Variants in ACER2 observed in about 807,000 individuals in gnomAD.
ACER2 encodes the protein alkCDase 2.
In ACER2, 26 loss-of-function variants were observed where a neutral mutation model predicts 34.7. The ratio of observed to expected loss-of-function variants is 0.75; its 90% confidence interval spans 0.55 to 1.04. The LOEUF (loss-of-function observed/expected upper bound fraction) is 1.04, where lower values mean the gene tolerates loss of function less well. Among genes scored for constraint, ACER2 ranks in the 50% least tolerant of loss-of-function variants. The probability of loss-of-function intolerance (pLI) is 0.00; values close to 1 mark genes in which losing one functional copy is unlikely to be tolerated. For synonymous variants in ACER2, 138 were observed against 132.1 expected (o/e 1.04, Z -0.31); for missense variants, 352 against 340.8 (o/e 1.03, Z -0.26).
intron 4 of ACER2, among the ~76,000 whole-genome samples, chr9:19,442,122 C>T (rs1831175221): frequency 6.6e-6 from 1 of 152,128 alleles, no homozygotes; most frequent in Non-Finnish European, 1.5e-5. Context: ...GGGTCATGAC[C>T]TGACACTGAA....
intron 1 of ACER2, among the ~76,000 whole-genome samples, chr9:19,419,409 C>G (rs1160891517): frequency 6.6e-6 from 1 of 152,022 alleles, no homozygotes; most frequent in South Asian, 2.1e-4. Flanking sequence ...ATATTCTTAC[C>G]CAAGGTCACT....
chr9:19,443,126 G>A (rs1314312146), intron 4 of ACER2, among the ~76,000 whole-genome samples: 1 of 152,244 alleles, frequency 6.6e-6, no homozygotes, highest in Non-Finnish European at 1.5e-5. Flanking sequence ...CGCCTCCCGG[G>A]TTCGCGCCAT....
In ACER2 at chr9:19,428,840, A is replaced by G. The variant is rs925862307; in HGVS notation, c.365+3999A>G. On this transcript the variant is annotated intron_variant, in intron 3 of 5. Transcript: ENST00000340967. ...AGTCTTGCTCTGTCACCCAGGCTAGAGAGCGGTGGTGCGATCTTGGCTGAC... is the reference window on the plus strand; with the variant it reads ...AGTCTTGCTCTGTCACCCAGGCTAGGGAGCGGTGGTGCGATCTTGGCTGAC... Among the ~76,000 whole-genome samples the G allele has an allele frequency of 2.1e-4, 26 of 122,624 alleles. 1 individual carries two copies. The Admixed American group carries it at 2.8e-3, about 13-fold the overall frequency. 80.4% of individuals were successfully genotyped at this position (122,624 alleles called of 152,430 possible). A position where few individuals can be genotyped will look rare whatever the true frequency, so the allele number is the denominator to read the frequency against.
intron 1 of ACER2, among the ~76,000 whole-genome samples, chr9:19,418,239 A>C (rs1327766300): frequency 1.3e-5 from 2 of 152,194 alleles, no homozygotes; most frequent in Non-Finnish European, 2.9e-5. Context: ...ACACTTTTAC[A>C]CTGTTGGTGG....
intron 1 of ACER2, among the ~76,000 whole-genome samples, chr9:19,411,924 T>C (rs1230932947): frequency 6.6e-6 from 1 of 152,180 alleles, no homozygotes; most frequent in African/African-American, 2.4e-5. Context: ...TGCTATTTAT[T>C]ATATCCATTT....
At position 19,451,112 on chromosome 9, in the gene ACER2, A is replaced by C. The variant is rs1831555876; in HGVS notation, c.*476A>C. ...CTCAGCATCACTTCCAGATGCAGTG[A>C]CTTGTTGGGCTGCGTCCTTAATGGC... On this transcript the variant is annotated 3_prime_UTR_variant, in exon 6 of 6. Coordinates refer to ENST00000340967, the MANE Select transcript of ACER2 (RefSeq NM_001010887.3). The C allele has an allele frequency of 6.5e-6, 1 of 153,178 alleles. No homozygotes were observed. The highest frequency in any genetic ancestry group is 1.5e-5 in the Non-Finnish European group (1 of 68,660). The allele number at this position is 153,178 out of a possible 1,614,324, so 9.5% of individuals were successfully genotyped here.
At chr9:19,419,285 T>C (rs984623027) in intron 1 of ACER2, among the ~76,000 whole-genome samples, 1 of 152,222 alleles carries the variant, frequency 6.6e-6, no homozygotes, top group Non-Finnish European at 1.5e-5. Context: ...TAAATGAAAA[T>C]TGACCACATT....
At position 19,409,077 on chromosome 9, in the gene ACER2, G is replaced by A. The variant is rs1218294572; in HGVS notation, c.-8G>A. On this transcript the variant is annotated 5_prime_UTR_variant, in exon 1 of 6. Coordinates refer to ENST00000340967, the MANE Select transcript of ACER2 (RefSeq NM_001010887.3). ...CGCGAGCAGCTGCTCCAATGCCCCG[G>A]AGTGGCCATGGGCGCCCCGCACTGG... The A allele has an allele frequency of 6.4e-7, 1 of 1,574,276 alleles. No homozygotes were observed. Among genetic ancestry groups the A allele is most frequent in the South Asian group, 1.2e-5 (1 of 85,810 alleles).
chr9:19,434,723 G>C (rs1830902352), intron 3 of ACER2, among the ~76,000 whole-genome samples: 1 of 152,206 alleles, frequency 6.6e-6, no homozygotes, highest in Admixed American at 6.5e-5. Flanking sequence ...GATGGCAGCA[G>C]TATAGTCCAG....
rs373757954 is a variant in ACER2, at chr9:19,423,914, G to A, written c.161G>A (p.Arg54His). 6.8e-6 allele frequency: 11 copies of A among 1,613,786 alleles called. No homozygotes were observed. The highest frequency in any genetic ancestry group is 4.5e-5 in the East Asian group (2 of 44,896). The change falls in exon 2 of 6, where the codon CGT becomes CAT. Residue 54 changes from arginine (R) to histidine (H), a missense_variant. Arg to His is a conservative substitution (Grantham distance 29). Transcript: ENST00000340967. ...ILPPICMCLFRQYATCFNSGI... is the reference protein window; with the variant it reads ...ILPPICMCLFHQYATCFNSGI... Reference sequence around the variant, plus strand: ...CCGCCCATCTGCATGTGCTTGTTTCGTCAGTATGCAACATGCTTCAACAGT... The same window carrying A: ...CCGCCCATCTGCATGTGCTTGTTTCATCAGTATGCAACATGCTTCAACAGT...
rs113466092 is a variant in ACER2 at position 19,420,171 on chromosome 9, A to C, written c.109-3691A>C. Among the ~76,000 whole-genome samples the C allele has an allele frequency of 3.8e-3, 579 of 152,280 alleles. 7 individuals are homozygous for C. The highest frequency in any genetic ancestry group is 0.015 in the South Asian group (70 of 4,822). ...CTTCAGTTCTGTTCAGGTGCCCACC[A>C]TCATGGTTCTTTGAGACGTCCTCTA... On this transcript the variant is annotated intron_variant, in intron 1 of 5. Transcript: ENST00000340967.
At chr9:19,442,032 C>A (rs76130707) in intron 4 of ACER2, among the ~76,000 whole-genome samples, 20 of 152,264 alleles carry the variant, frequency 1.3e-4, no homozygotes, top group African/African-American at 4.8e-4. Flanking sequence ...TTCTTTTAAC[C>A]AGCTTCCTGA....
At position 19,429,587 on chromosome 9, in the gene ACER2, C is replaced by T. The variant is rs187225853; in HGVS notation, c.365+4746C>T. Reference sequence around the variant, plus strand: ...GCTCAAGAGATACTCCCACCTTGGCCTCCCAAAGTTCTGGGATAACAGGCA... The same window carrying T: ...GCTCAAGAGATACTCCCACCTTGGCTTCCCAAAGTTCTGGGATAACAGGCA... On this transcript the variant is annotated intron_variant, in intron 3 of 5. Transcript: ENST00000340967. Among the ~76,000 whole-genome samples, 214 of 152,332 alleles carry T rather than the reference C, an allele frequency of 1.4e-3. 2 individuals carry two copies. The highest frequency in any genetic ancestry group is 3.7e-3 in the African/African-American group (155 of 41,574).
At chr9:19,446,106 G>A (rs758484095) in intron 4 of ACER2, 175 bp from the exon 5 acceptor site, 27 of 942,044 alleles carry the variant, frequency 2.9e-5, no homozygotes, top group Non-Finnish European at 4.3e-5. Flanking sequence ...AGCCATCTGT[G>A]TACATATGGT....
chr9:19,415,460 A>G (rs1395976341), intron 1 of ACER2, among the ~76,000 whole-genome samples: 2 of 152,058 alleles, frequency 1.3e-5, no homozygotes, highest in Non-Finnish European at 2.9e-5. Context: ...TCGCCACTGT[A>G]CTCTAGCCTG....
intron 2 of ACER2, chr9:19,424,323 T>G: frequency 1.0e-6 from 1 of 958,718 alleles, no homozygotes; most frequent in Non-Finnish European, 1.2e-6. Flanking sequence ...GTTTGATCCC[T>G]CATTGTTTTG....
At chr9:19,424,542 C>CT (rs1204183318) in intron 2 of ACER2, 158 bp from the exon 3 acceptor site, 2 of 985,216 alleles carry the variant, frequency 2.0e-6, no homozygotes, top group Non-Finnish European at 2.4e-6. Flanking sequence ...GGCATGCATG[C>CT]TTGGGTGGTG....
At chr9:19,446,257 G>T in intron 4 of ACER2, 24 bp from the exon 5 acceptor site, 1 of 1,614,154 alleles carries the variant, frequency 6.2e-7, no homozygotes, top group Non-Finnish European at 8.5e-7. Context: ...CTGACGATGA[G>T]TGACTCTCTG....
chr9:19,427,137 A>G (rs1830596009), intron 3 of ACER2, among the ~76,000 whole-genome samples: 2 of 152,254 alleles, frequency 1.3e-5, no homozygotes, highest in Non-Finnish European at 2.9e-5. Flanking sequence ...CCCTATCTGT[A>G]AAATTAGGTA....
Sources: allele counts gnomAD v4.1 joint callset (sites outside exome capture counted in the v4.1 genomes callset), GRCh38; gene constraint gnomAD v4.1.1; transcripts MANE v1.5; gene names NCBI Gene and HGNC (gene_info 2026-07-23, HGNC 2026-07-21).